The following WAPL variants were observed in gnomAD, a reference collection of about 807,000 sequenced individuals.
The protein encoded by WAPL is WAPL cohesin release factor, also known as wings apart-like protein homolog.
WAPL carries 5 observed loss-of-function variants against 121.0 expected under a neutral mutation model. The ratio of observed to expected loss-of-function variants is 0.04; its 90% confidence interval spans 0.02 to 0.09. The LOEUF (loss-of-function observed/expected upper bound fraction) is 0.09, where lower values mean the gene tolerates loss of function less well. WAPL is among the 10% of genes least tolerant of loss of function. The pLI is 1.00. For missense variants in WAPL, 999 were observed against 1,410.8 expected, an observed-to-expected ratio of 0.71 and a Z score of 4.68; for synonymous variants, 480 against 481.5, an observed-to-expected ratio of 1.00 and a Z score of 0.04.
intron 2 of WAPL, among the ~76,000 whole-genome samples, chr10:86,515,377 A>G (rs1842536054): frequency 6.6e-6 from 1 of 152,116 alleles, no homozygotes; most frequent in Non-Finnish European, 1.5e-5. Flanking sequence ...ATATGTTGAT[A>G]ATAAACGAAT....
rs375854357 is a variant in WAPL, at chr10:86,463,386, T to C, written c.2371-2099A>G. Among the ~76,000 whole-genome samples, 191 of 152,366 alleles carry C rather than the reference T, an allele frequency of 1.3e-3. 1 individual carries two copies. The highest frequency in any genetic ancestry group is 4.4e-3 in the African/African-American group (182 of 41,588). ...GATGACACCTCCATGCCTGTTTTAC[T>C]GCCCCTAAAACCTTCCAATGGGACA... is the stretch of plus-strand genomic sequence containing the variant. On this transcript the variant is annotated intron_variant, in intron 9 of 18. Transcript: ENST00000298767.
intron 12 of WAPL, among the ~76,000 whole-genome samples, chr10:86,455,505 C>T (rs1841119943): frequency 6.6e-6 from 1 of 150,992 alleles, no homozygotes; most frequent in South Asian, 2.1e-4. Context: ...GAGTCATCAC[C>T]ACTCCTTAAT....
intron 15 of WAPL, among the ~76,000 whole-genome samples, chr10:86,447,636 AG>A (rs1422268515): frequency 1.3e-5 from 2 of 152,208 alleles, no homozygotes; most frequent in African/African-American, 2.4e-5. Context: ...TTAAGGGCAC[AG>A]GAAGTATGTG....
chr10:86,507,063 TAAA>T, intron 2 of WAPL, among the ~76,000 whole-genome samples: 1 of 133,768 alleles, frequency 7.5e-6, no homozygotes, highest in Middle Eastern at 3.7e-3. Context: ...AGGAAAGATT[TAAA>T]AAAAAAAAAA....
In WAPL at chr10:86,478,092, C is replaced by T. The variant is rs1841700902; in HGVS notation, c.1645-4119G>A. Among the ~76,000 whole-genome samples, 5 of 147,206 alleles carry T rather than the reference C, an allele frequency of 3.4e-5. No individual in the cohort carries two copies. In the South Asian group the frequency reaches 1.1e-3, roughly 32 times the overall value. On this transcript the variant is annotated intron_variant, in intron 4 of 18. Transcript: ENST00000298767. ...AAAAAGAAAGAAAGAAAAGCAGATA[C>T]AGCATATAAACCAGATACCTAAACT...
chr10:86,450,349 C>T (rs953288956), intron 15 of WAPL, among the ~76,000 whole-genome samples: 4 of 152,178 alleles, frequency 2.6e-5, no homozygotes, highest in Non-Finnish European at 5.9e-5. Flanking sequence ...AATCCTCTCA[C>T]TTCAGCGTCC....
chr10:86,468,863 G>C (rs1335286594), intron 8 of WAPL, among the ~76,000 whole-genome samples: 1 of 152,076 alleles, frequency 6.6e-6, no homozygotes, highest in Non-Finnish European at 1.5e-5. Flanking sequence ...CACTTTGGGA[G>C]GCTGAGGCAG....
chr10:86,483,871 G>A (rs1169639174), intron 4 of WAPL, among the ~76,000 whole-genome samples: 7 of 110,996 alleles, frequency 6.3e-5, no homozygotes, highest in Admixed American at 1.4e-4. Context: ...CTCGGCTCCC[G>A]CCACCACGCC....
At chr10:86,471,161 G>A in intron 7 of WAPL, 58 bp from the exon 8 acceptor site, 1 of 1,435,218 alleles carries the variant, frequency 7.0e-7, no homozygotes, top group East Asian at 2.3e-5. Context: ...TTAGTTTTGA[G>A]TTTGTGTAAT....
chr10:86,505,891 A>C (rs761815667), intron 2 of WAPL, among the ~76,000 whole-genome samples: 4 of 152,200 alleles, frequency 2.6e-5, no homozygotes, highest in Non-Finnish European at 5.9e-5. Flanking sequence ...GACTTGTAAG[A>C]AAGAAAAATT....
At chr10:86,465,260 C>T (rs1564569854) in intron 9 of WAPL, among the ~76,000 whole-genome samples, 2 of 152,080 alleles carry the variant, frequency 1.3e-5, no homozygotes, top group African/African-American at 4.8e-5. Context: ...TGGCGCCAAT[C>T]TCGGCTCACT....
intron 2 of WAPL, among the ~76,000 whole-genome samples, chr10:86,509,487 GC>G (rs2132229268): frequency 6.6e-6 from 1 of 152,282 alleles, no homozygotes; most frequent in South Asian, 2.1e-4. Context: ...CCCATAGAGT[GC>G]TACACTCCCG....
chr10:86,448,454 G>A (rs182846328), intron 15 of WAPL, among the ~76,000 whole-genome samples: 436 of 152,272 alleles, frequency 2.9e-3, no homozygotes, highest in Non-Finnish European at 5.1e-3. Context: ...CTGTATGTAT[G>A]TATGTATAAA....
In WAPL at chr10:86,500,682, A is replaced by G. The variant is rs1479925914; in HGVS notation, c.561T>C (p.Ala187=). The change falls in exon 3 of 19, where the codon GCT becomes GCC. Residue 187 remains alanine (A), a synonymous_variant. Coordinates refer to ENST00000298767, the MANE Select transcript of WAPL (RefSeq NM_015045.5). ...CATTGGGTTTCTTAGTACTGTCATC[A>G]GCATTTTTGTGAATATGGTGACTAT... ...EKNSHHIHKN[A]DDSTKKPNAE... The G allele has an allele frequency of 2.5e-6, 4 of 1,601,868 alleles. No homozygotes were observed.
In WAPL at chr10:86,521,519, C is replaced by T. The variant is rs1842677699; in HGVS notation, c.-177G>A. The T allele has an allele frequency of 2.8e-6, 1 of 361,698 alleles. No individual in the cohort carries two copies. The highest frequency in any genetic ancestry group is 5.5e-6 in the Non-Finnish European group (1 of 182,868). 22.4% of individuals were successfully genotyped at this position (361,698 alleles called of 1,614,324 possible). On this transcript the variant is annotated 5_prime_UTR_variant, in exon 1 of 19. Transcript: ENST00000298767. ...GACTCTGCTTTCGGTAAATAGGAAGCCCGGTTGGGGGGGCAGGAGCGGCGG... is the reference window on the plus strand; with the variant it reads ...GACTCTGCTTTCGGTAAATAGGAAGTCCGGTTGGGGGGGCAGGAGCGGCGG...
At position 86,467,389 on chromosome 10, in the gene WAPL, C is replaced by A; in HGVS notation, c.2260G>T (p.Ala754Ser). ...MIRLLELEQDASSAKLLNEKD... is the reference protein window; with the variant it reads ...MIRLLELEQDSSSAKLLNEKD... Reference sequence around the variant, plus strand: ...TCATTCAGTAGCTTGGCTGATGAAGCATCTTGTTCCAGTTCCAAAAGTCGA... The same window carrying A: ...TCATTCAGTAGCTTGGCTGATGAAGAATCTTGTTCCAGTTCCAAAAGTCGA... The change falls in exon 9 of 19, where the codon GCT (alanine) becomes TCT (serine). Residue 754 changes from alanine to serine, a missense_variant. This residue lies in a region of WAPL where 118 missense variants were observed against 318.3 expected (regional missense o/e 0.37). Coordinates refer to ENST00000298767, the MANE Select transcript of WAPL (RefSeq NM_015045.5). 6.2e-7 allele frequency: 1 copy of A among 1,614,056 alleles called. No individual in the cohort carries two copies.
intron 2 of WAPL, among the ~76,000 whole-genome samples, chr10:86,509,008 GC>G (rs1842406163): frequency 6.6e-6 from 1 of 152,050 alleles, no homozygotes; most frequent in African/African-American, 2.4e-5. Flanking sequence ...CTCCCAAAGT[GC>G]TGGGATTACA....
chr10:86,515,530 C>G (rs1356016979), intron 2 of WAPL, among the ~76,000 whole-genome samples: 1 of 152,072 alleles, frequency 6.6e-6, no homozygotes, highest in Admixed American at 6.5e-5. Flanking sequence ...CGCTTGCAAT[C>G]CCAGCACTTT....
At chr10:86,446,955 A>T (rs1849637196) in intron 15 of WAPL, among the ~76,000 whole-genome samples, 1 of 152,224 alleles carries the variant, frequency 6.6e-6, no homozygotes, top group Non-Finnish European at 1.5e-5. Flanking sequence ...CAAACTTCAA[A>T]GAGAGATTAT....
Sources: allele counts gnomAD v4.1 joint callset (sites outside exome capture counted in the v4.1 genomes callset), GRCh38; gene constraint gnomAD v4.1.1; regional missense constraint gnomAD v4.1.1; transcripts MANE v1.5; gene names NCBI Gene and HGNC (gene_info 2026-07-23, HGNC 2026-07-21).